The following LGR4 variants were observed in gnomAD, a reference collection of about 807,000 sequenced individuals.
The protein encoded by LGR4 is leucine rich repeat containing G protein-coupled receptor 4, also known as leucine-rich repeat-containing G protein-coupled receptor 4.
LGR4 carries 44 observed loss-of-function variants against 84.8 expected under a neutral mutation model. That is an observed-to-expected ratio of 0.52 (90% confidence interval 0.41 to 0.67). The LOEUF (loss-of-function observed/expected upper bound fraction) is 0.67. Ranked by LOEUF, LGR4 falls within the 30% of genes least tolerant of loss-of-function variation. The pLI, the probability that LGR4 is intolerant of heterozygous loss-of-function variation, is 0.00. For missense variants in LGR4, 1,032 were observed against 1,131.4 expected (o/e 0.91, Z 1.26); for synonymous variants, 429 against 434.3 (o/e 0.99, Z 0.15).
In LGR4 at chr11:27,368,176, T is replaced by G. The variant is rs748187854; in HGVS notation, c.2547A>C (p.Ser849=). 1 of 1,614,218 alleles carries G rather than the reference T, an allele frequency of 6.2e-7. No individual in the cohort carries two copies. Among genetic ancestry groups the G allele is most frequent in the Admixed American group, 1.7e-5 (1 of 60,032 alleles). ...QDFYYDCGMY[S]HLQGNLTVCD... ...AAACAGTCAGGTTGCCCTGCAAATGTGAGTACATGCCACAGTCGTAGTAGA... is the reference window on the plus strand; with the variant it reads ...AAACAGTCAGGTTGCCCTGCAAATGGGAGTACATGCCACAGTCGTAGTAGA... Residue 849 remains serine (S), a synonymous_variant, in exon 18 of 18, where the codon TCA becomes TCC. Coordinates refer to ENST00000379214, the MANE Select transcript of LGR4 (RefSeq NM_018490.5).
At chr11:27,404,250 C>T (rs897372500) in intron 2 of LGR4, among the ~76,000 whole-genome samples, 2 of 152,152 alleles carry the variant, frequency 1.3e-5, no homozygotes, top group Non-Finnish European at 2.9e-5. Context: ...AATACTGAAC[C>T]ACTTGATTCT....
chr11:27,382,948 C>T (rs1170384858), intron 6 of LGR4, among the ~76,000 whole-genome samples: 3 of 152,038 alleles, frequency 2.0e-5, no homozygotes, highest in South Asian at 2.1e-4. Context: ...ACCTGGGAGA[C>T]GGAGGTTGCA....
At chr11:27,460,170 G>C (rs933193610) in intron 1 of LGR4, among the ~76,000 whole-genome samples, 6 of 152,118 alleles carry the variant, frequency 3.9e-5, no homozygotes, top group African/African-American at 1.4e-4. Flanking sequence ...CACACCTGCT[G>C]ATGAGCCTCA....
Position 27,382,179 on chromosome 11 carries a change from A to G in LGR4, c.758+9T>C. On this transcript the variant is annotated intron_variant, in intron 7 of 17. Transcript: ENST00000379214. Reference sequence around the variant, plus strand: ...TATGAAGACATAAAGAGAATGAAGCAATACTCACAGCTCTTTAAGGCTAGG... The same window carrying G: ...TATGAAGACATAAAGAGAATGAAGCGATACTCACAGCTCTTTAAGGCTAGG... 6.4e-7 allele frequency: 1 copy of G among 1,567,158 alleles called. No homozygotes were observed. The highest frequency in any genetic ancestry group is 8.8e-7 in the Non-Finnish European group (1 of 1,139,016).
intron 1 of LGR4, among the ~76,000 whole-genome samples, chr11:27,462,506 T>A (rs1043554664): frequency 1.3e-5 from 2 of 152,244 alleles, no homozygotes; most frequent in African/African-American, 4.8e-5. Flanking sequence ...TGGATTTTTA[T>A]ATGAAGAATC....
intron 3 of LGR4, among the ~76,000 whole-genome samples, chr11:27,391,865 C>T (rs921872759): frequency 6.6e-6 from 1 of 152,146 alleles, no homozygotes; most frequent in Non-Finnish European, 1.5e-5. Flanking sequence ...CCACCTAGCT[C>T]ACTGAACCAG....
In LGR4 at chr11:27,400,379, G is replaced by C. The variant is rs1436633623; in HGVS notation, c.258-7861C>G. Among the ~76,000 whole-genome samples the C allele has an allele frequency of 2.0e-5, 3 of 151,994 alleles. No homozygotes were observed. In the East Asian group the frequency reaches 5.8e-4, roughly 29 times the overall value. ...TTTAACAGATAAGGAATGTGAGCCT[G>C]TTTCCTACGTGCCTTCTCCAAAGAC... On this transcript the variant is annotated intron_variant, in intron 2 of 17. Transcript: ENST00000379214.
At chr11:27,453,928 A>G (rs946432445) in intron 1 of LGR4, among the ~76,000 whole-genome samples, 1 of 151,992 alleles carries the variant, frequency 6.6e-6, no homozygotes, top group African/African-American at 2.4e-5. Flanking sequence ...TATATCCTAC[A>G]CCCTTTTGGA....
intron 2 of LGR4, among the ~76,000 whole-genome samples, chr11:27,410,032 C>T (rs1465645501): frequency 6.6e-6 from 1 of 152,182 alleles, no homozygotes; most frequent in African/African-American, 2.4e-5. Context: ...AATATAGTAG[C>T]AACCACAGGC....
chr11:27,376,336 C>T lies in LGR4; in HGVS notation c.1144G>A (p.Glu382Lys), dbSNP rs947766444. 2 of 1,579,896 alleles carry T rather than the reference C, an allele frequency of 1.3e-6. No individual in the cohort carries two copies. Among genetic ancestry groups the T allele is most frequent in the Admixed American group, 1.7e-5 (1 of 57,830 alleles). The stretch of plus-strand genomic sequence containing the variant: ...GATATCAGGCCTTGAAAGGTGCCTT[C>T]CTTTATTTGGTAGATTTGATTACGC... ...LQRNQIYQIKEGTFQGLISLR... is the reference protein window; with the variant it reads ...LQRNQIYQIKKGTFQGLISLR... The change falls in exon 13 of 18, where the codon GAA becomes AAA. Residue 382 changes from glutamate to lysine, a missense_variant. Physicochemically the swap from Glu to Lys is moderately conservative, Grantham distance 56. Transcript: ENST00000379214.
intron 2 of LGR4, among the ~76,000 whole-genome samples, chr11:27,400,188 C>T (rs896324867): frequency 5.3e-5 from 8 of 151,952 alleles, no homozygotes; most frequent in South Asian, 2.1e-4. Context: ...GATGCTCAAG[C>T]GATGTAAATA....
intron 1 of LGR4, among the ~76,000 whole-genome samples, chr11:27,443,999 T>C (rs1333718732): frequency 6.6e-6 from 1 of 152,188 alleles, no homozygotes; most frequent in Non-Finnish European, 1.5e-5. Context: ...TTTCCTTTTG[T>C]TTGGTCTTTC....
intron 1 of LGR4, among the ~76,000 whole-genome samples, chr11:27,449,103 T>C (rs555255174): frequency 5.9e-5 from 9 of 152,206 alleles, no homozygotes; most frequent in Non-Finnish European, 1.0e-4. Context: ...ATTTGCATTA[T>C]CTTCATCCAA....
At position 27,373,588 on chromosome 11, in the gene LGR4, T is replaced by C; in HGVS notation, c.1342A>G (p.Lys448Glu). 1 of 1,597,202 alleles carries C rather than the reference T, an allele frequency of 6.3e-7. No individual in the cohort carries two copies. The highest frequency in any genetic ancestry group is 8.5e-7 in the Non-Finnish European group (1 of 1,170,062). Residue 448 changes from lysine to glutamate, a missense_variant, in exon 15 of 18, where the codon AAA becomes GAA. Transcript: ENST00000379214. ...AAGTCTTTTGCTGCTAAGGCTTCTT[T>C]CAGCTTGAAGTTGCCCACAAGTTTC... ...QLKLVGNFKL[K>E]EALAAKDFVN...
chr11:27,461,451 C>T (rs1864679330), intron 1 of LGR4, among the ~76,000 whole-genome samples: 1 of 151,780 alleles, frequency 6.6e-6, no homozygotes, highest in African/African-American at 2.4e-5. Flanking sequence ...TTTCTAGAAC[C>T]AAAGTGATGT....
chr11:27,404,145 A>T (rs1863556363), intron 2 of LGR4, among the ~76,000 whole-genome samples: 1 of 152,200 alleles, frequency 6.6e-6, no homozygotes, highest in Admixed American at 6.5e-5. Context: ...ATTTAGCCAA[A>T]TAATAGTCAG....
chr11:27,393,942 G>A (rs866629093), intron 2 of LGR4, among the ~76,000 whole-genome samples: 2 of 121,440 alleles, frequency 1.6e-5, no homozygotes, highest in Non-Finnish European at 3.4e-5. Flanking sequence ...TGAAGATTGG[G>A]GGGGGGGGGG....
At chr11:27,463,320 G>T (rs890327027) in intron 1 of LGR4, among the ~76,000 whole-genome samples, 12 of 151,988 alleles carry the variant, frequency 7.9e-5, no homozygotes, top group Admixed American at 6.6e-4. Flanking sequence ...GACTCAAAAT[G>T]AACTTGGAGA....
rs142767653 is a variant in LGR4 at position 27,372,487 on chromosome 11, T to C, written c.1380-89A>G. Reference sequence around the variant, plus strand: ...AAAAGTATTTTAAACTTTGAAAACCTCAGCCTAGGAGTCAGAAAGATCTGT... The same window carrying C: ...AAAAGTATTTTAAACTTTGAAAACCCCAGCCTAGGAGTCAGAAAGATCTGT... On this transcript the variant is annotated intron_variant, in intron 15 of 17. Coordinates refer to ENST00000379214, the MANE Select transcript of LGR4 (RefSeq NM_018490.5). The C allele has an allele frequency of 1.5e-5, 12 of 795,606 alleles. No individual in the cohort carries two copies. The Admixed American group carries it at 2.3e-4, about 15-fold the overall frequency. The allele number at this position is 795,606 out of a possible 1,614,324, so 49.3% of individuals were successfully genotyped here.
Sources: gnomAD v4.1 joint callset for allele counts (sites outside exome capture counted in the v4.1 genomes callset) on GRCh38, gnomAD v4.1.1 for gene constraint, MANE v1.5 for transcripts, NCBI Gene and HGNC (gene_info 2026-07-23, HGNC 2026-07-21) for gene names.